The following GRB14 variants were observed in gnomAD, a reference collection of about 807,000 sequenced individuals.
The protein encoded by GRB14 is growth factor receptor-bound protein 14.
GRB14 carries 38 observed loss-of-function variants against 69.1 expected under a neutral mutation model. The ratio of observed to expected loss-of-function variants is 0.55; its 90% CI spans 0.42 to 0.72. The LOEUF is 0.72. Ranked by LOEUF, GRB14 falls within the 30% of genes least tolerant of loss-of-function variation. The pLI is 0.00. For synonymous variants in GRB14, 247 were observed against 241.3 expected (o/e 1.02, Z -0.22); for missense variants, 666 against 666.1 (o/e 1.00, Z 0.00).
intron 2 of GRB14, among the ~76,000 whole-genome samples, chr2:164,571,935 C>T (rs897129073): frequency 6.6e-6 from 1 of 152,204 alleles, no homozygotes; most frequent in Non-Finnish European, 1.5e-5. Flanking sequence ...CACATTCATA[C>T]AGCCCTTGTT....
intron 2 of GRB14, among the ~76,000 whole-genome samples, chr2:164,593,474 T>C (rs1195593405): frequency 1.3e-5 from 2 of 152,158 alleles, no homozygotes; most frequent in African/African-American, 4.8e-5. Context: ...TAGAATTCTA[T>C]ATTCAGCAAA....
At chr2:164,581,853 T>C (rs542502348) in intron 2 of GRB14, among the ~76,000 whole-genome samples, 1 of 152,190 alleles carries the variant, frequency 6.6e-6, no homozygotes, top group Admixed American at 6.5e-5. Flanking sequence ...AGCCCCTTGA[T>C]TTAAAGAAAA....
intron 11 of GRB14, 25 bp downstream of exon 11, chr2:164,497,186 T>C: frequency 3.7e-6 from 6 of 1,604,304 alleles, no homozygotes; most frequent in African/African-American, 1.3e-5. Flanking sequence ...GTCTACTCAG[T>C]GGCAATGACT....
chr2:164,562,432 G>C (rs746648328), intron 2 of GRB14, among the ~76,000 whole-genome samples: 8 of 152,024 alleles, frequency 5.3e-5, no homozygotes, highest in Non-Finnish European at 8.8e-5. Flanking sequence ...GAAAGCAGTG[G>C]GAGCAAGCAT....
At position 164,508,838 on chromosome 2, in the gene GRB14, C is replaced by G. The variant is rs769740119; in HGVS notation, c.831G>C (p.Leu277Phe). ...TKGTSKEPRH[L>F]QFFSEFGNSD... is the part of the protein sequence containing the mutation. ...TATTGCCAAATTCGCTGAAAAACTG[C>G]AAATGCCGCGGTTCCTTAAAAAAAA... Residue 277 changes from leucine to phenylalanine, a missense_variant, in exon 7 of 14, where the codon TTG becomes TTC. By Grantham distance (22) the Leu-to-Phe change is conservative. Transcript: ENST00000263915. 5.2e-5 allele frequency: 82 copies of G among 1,573,966 alleles called. No homozygotes were observed. Among genetic ancestry groups the G allele is most frequent in the Non-Finnish European group, 6.8e-5 (79 of 1,166,616 alleles).
At chr2:164,522,536 G>A (rs751756419) in intron 5 of GRB14, among the ~76,000 whole-genome samples, 11 of 152,018 alleles carry the variant, frequency 7.2e-5, no homozygotes, top group South Asian at 2.1e-4. Flanking sequence ...GCTTTTCATC[G>A]TTTTCCATGG....
At chr2:164,547,868 T>C (rs776849955) in intron 2 of GRB14, 52 bp from the exon 3 acceptor site, 2 of 1,312,152 alleles carry the variant, frequency 1.5e-6, no homozygotes, top group African/African-American at 1.5e-5. Flanking sequence ...TTTGTGTTTT[T>C]AATAAATTTT....
intron 3 of GRB14, among the ~76,000 whole-genome samples, chr2:164,527,911 A>G (rs1687824250): frequency 6.6e-6 from 1 of 152,040 alleles, no homozygotes; most frequent in South Asian, 2.1e-4. Flanking sequence ...ATTATTCATA[A>G]TAGCCCCAAA....
intron 8 of GRB14, among the ~76,000 whole-genome samples, chr2:164,506,398 C>A (rs923472741): frequency 2.6e-5 from 4 of 152,170 alleles, no homozygotes; most frequent in African/African-American, 9.7e-5. Flanking sequence ...TCCAATACCA[C>A]TTCACATCCA....
intron 2 of GRB14, among the ~76,000 whole-genome samples, chr2:164,587,774 A>G (rs1341443362): frequency 6.6e-6 from 1 of 152,170 alleles, no homozygotes; most frequent in Non-Finnish European, 1.5e-5. Context: ...TCTCCCCAAG[A>G]ATTTTGTCAT....
rs573514618 is a variant in GRB14, at chr2:164,587,803, C to A, written c.324+31884G>T. ...TTGTCATTCTTGATATCAAAACCAA[C>A]GGGAAAGAAAAGTGCACTGGACATA... On this transcript the variant is annotated intron_variant, in intron 2 of 13. Transcript: ENST00000263915. Among the ~76,000 whole-genome samples the A allele has an allele frequency of 3.9e-5, 6 of 152,182 alleles. No homozygotes were observed. In the South Asian group the frequency reaches 1.2e-3, roughly 32 times the overall value.
chr2:164,530,965 A>G (rs1270301700), intron 3 of GRB14, among the ~76,000 whole-genome samples: 1 of 152,186 alleles, frequency 6.6e-6, no homozygotes, highest in Non-Finnish European at 1.5e-5. Context: ...CCCAGGAGAG[A>G]TGATGCAGCT....
intron 9 of GRB14, among the ~76,000 whole-genome samples, chr2:164,497,928 A>G (rs1686947537): frequency 6.6e-6 from 1 of 152,200 alleles, no homozygotes; most frequent in Non-Finnish European, 1.5e-5. Flanking sequence ...CATCAATTAA[A>G]TGTCAAATCC....
intron 6 of GRB14, among the ~76,000 whole-genome samples, chr2:164,515,077 G>A (rs1687444795): frequency 6.6e-6 from 1 of 152,136 alleles, no homozygotes; most frequent in Non-Finnish European, 1.5e-5. Context: ...GAGAGTCTGA[G>A]CTCAGACATG....
intron 6 of GRB14, among the ~76,000 whole-genome samples, chr2:164,519,369 G>A (rs762232261): frequency 5.9e-5 from 9 of 151,840 alleles, no homozygotes; most frequent in Non-Finnish European, 1.0e-4. Context: ...TAAAGTAATC[G>A]AAGCCATCTA....
intron 6 of GRB14, among the ~76,000 whole-genome samples, chr2:164,514,741 G>T (rs1687434271): frequency 6.6e-6 from 1 of 152,154 alleles, no homozygotes; most frequent in African/African-American, 2.4e-5. Context: ...CAGTACAGAA[G>T]CCTTGGCAGG....
intron 2 of GRB14, among the ~76,000 whole-genome samples, chr2:164,564,770 C>T (rs549180287): frequency 1.7e-3 from 262 of 152,266 alleles, no homozygotes; most frequent in Middle Eastern, 6.8e-3. Flanking sequence ...AATCCCAGCA[C>T]TTTGGGAGGC....
chr2:164,581,937 C>T (rs1041033469), intron 2 of GRB14, among the ~76,000 whole-genome samples: 2 of 152,196 alleles, frequency 1.3e-5, no homozygotes, highest in Non-Finnish European at 2.9e-5. Flanking sequence ...CCCTTGTCTT[C>T]ATTCTACTTG....
intron 2 of GRB14, among the ~76,000 whole-genome samples, chr2:164,611,964 T>C (rs934336904): frequency 5.3e-5 from 8 of 152,118 alleles, no homozygotes; most frequent in Non-Finnish European, 1.2e-4. Flanking sequence ...TCTGGAGCCA[T>C]CAGAATCACT....
Sources: gnomAD v4.1 joint callset for allele counts (sites outside exome capture counted in the v4.1 genomes callset) on GRCh38, gnomAD v4.1.1 for gene constraint, MANE v1.5 for transcripts, NCBI Gene and HGNC (gene_info 2026-07-23, HGNC 2026-07-21) for gene names.